Variants in DSCAM observed in about 807,000 individuals in gnomAD.
The protein encoded by DSCAM is cell adhesion molecule DSCAM.
Under a neutral mutation model 217.7 loss-of-function variants are expected in DSCAM, and 47 were observed. The ratio of observed to expected loss-of-function variants is 0.22; its 90% CI spans 0.17 to 0.28. The LOEUF (loss-of-function observed/expected upper bound fraction) is 0.28, where lower values mean the gene tolerates loss of function less well. Among genes scored for constraint, DSCAM ranks in the 10% least tolerant of loss-of-function variants. DSCAM has a pLI of 1.00. For missense variants in DSCAM, 2,080 were observed against 2,618.3 expected (o/e 0.79, Z 4.49); for synonymous variants, 1,056 against 1,015.3 (o/e 1.04, Z -0.76).
intron 1 of DSCAM, among the ~76,000 whole-genome samples, chr21:40,734,890 T>G (rs2091048079): frequency 6.6e-6 from 1 of 152,234 alleles, no homozygotes. Flanking sequence ...CATGTATTTA[T>G]GTAGACAAAC....
At chr21:40,733,395 A>C (rs2091032418) in intron 1 of DSCAM, among the ~76,000 whole-genome samples, 1 of 152,154 alleles carries the variant, frequency 6.6e-6, no homozygotes, top group Non-Finnish European at 1.5e-5. Flanking sequence ...ACTGGGGGTA[A>C]TTTTGCCCTC....
chr21:40,598,497 G>GTTTTTTT (rs71186947), intron 3 of DSCAM, among the ~76,000 whole-genome samples: 58 of 66,816 alleles, frequency 8.7e-4, no homozygotes, highest in Non-Finnish European at 9.3e-4. Context: ...CTGCCAAACT[G>GTTTTTTT]TTTTTTTTTT....
rs573608203 is a variant in DSCAM at position 40,268,050 on chromosome 21, C to G, written c.2356+8047G>C. Among the ~76,000 whole-genome samples the G allele has an allele frequency of 2.0e-5, 3 of 152,274 alleles. No homozygotes were observed. In the South Asian group the frequency reaches 6.2e-4, roughly 32 times the overall value. On this transcript the variant is annotated intron_variant, in intron 11 of 32. Coordinates refer to ENST00000400454, the MANE Select transcript of DSCAM (RefSeq NM_001389.5). ...GGTCCCTGCTGCTCCACAGATGTAA[C>G]CAATTTCTCCCTTCAGCCTTTGCCC... is the stretch of plus-strand genomic sequence containing the variant.
intron 8 of DSCAM, among the ~76,000 whole-genome samples, chr21:40,335,114 G>A (rs1009236361): frequency 8.6e-4 from 131 of 152,162 alleles, no homozygotes; most frequent in African/African-American, 3.0e-3. Flanking sequence ...GTATCCATGA[G>A]CTGTCTTGAA....
intron 11 of DSCAM, among the ~76,000 whole-genome samples, chr21:40,216,365 C>T (rs116601232): frequency 0.013 from 2,001 of 152,028 alleles, 41 homozygotes; most frequent in African/African-American, 0.044. Flanking sequence ...CCTTCCACCT[C>T]GGCCTCCCAA....
chr21:40,583,852 C>T (rs1568921347), intron 3 of DSCAM, among the ~76,000 whole-genome samples: 2 of 150,166 alleles, frequency 1.3e-5, no homozygotes, highest in Non-Finnish European at 2.9e-5. Context: ...AACCTCTGTA[C>T]CTTCCACTCG....
Position 40,820,647 on chromosome 21 carries a change from T to C in DSCAM, c.43+25972A>G, listed in dbSNP as rs139765206. Among the ~76,000 whole-genome samples, 704 of 152,210 alleles carry C rather than the reference T, an allele frequency of 4.6e-3. 5 individuals carry two copies. Among genetic ancestry groups the C allele is most frequent in the African/African-American group, 0.016 (669 of 41,530 alleles). The stretch of plus-strand genomic sequence containing the variant: ...AAAATAAAATTTTTTTAAATTAGGG[T>C]CATAAATATGTATTACAGAAAAAAA... On this transcript the variant is annotated intron_variant, in intron 1 of 32. Coordinates refer to ENST00000400454, the MANE Select transcript of DSCAM (RefSeq NM_001389.5).
chr21:40,446,925 AC>A (rs531891314), intron 3 of DSCAM, among the ~76,000 whole-genome samples: 140 of 152,314 alleles, frequency 9.2e-4, no homozygotes, highest in African/African-American at 3.2e-3. Flanking sequence ...AGGTACACTC[AC>A]AAATAGAGAC....
At chr21:40,697,907 G>T (rs1259658817) in intron 2 of DSCAM, among the ~76,000 whole-genome samples, 1 of 152,082 alleles carries the variant, frequency 6.6e-6, no homozygotes, top group African/African-American at 2.4e-5. Flanking sequence ...TGAATCTGTA[G>T]ATCACTTTGA....
At chr21:40,525,066 T>C (rs1415476072) in intron 3 of DSCAM, among the ~76,000 whole-genome samples, 1 of 149,662 alleles carries the variant, frequency 6.7e-6, no homozygotes, top group South Asian at 2.1e-4. Flanking sequence ...TCAAATACAT[T>C]ATTTTCAATT....
intron 3 of DSCAM, among the ~76,000 whole-genome samples, chr21:40,622,286 C>CAA (rs11429068): frequency 2.6e-5 from 4 of 151,756 alleles, no homozygotes; most frequent in African/African-American, 7.3e-5. Context: ...TGGAGGTGTA[C>CAA]AAAAAAAGGT....
chr21:40,614,890 G>A (rs1408623987), intron 3 of DSCAM, among the ~76,000 whole-genome samples: 3 of 152,032 alleles, frequency 2.0e-5, no homozygotes, highest in African/African-American at 7.2e-5. Context: ...GACTACCTGT[G>A]CATGCATCTC....
chr21:40,213,765 G>A (rs1245098954), intron 11 of DSCAM, among the ~76,000 whole-genome samples: 5 of 152,130 alleles, frequency 3.3e-5, no homozygotes, highest in Admixed American at 2.6e-4. Context: ...CCTTGAGGCA[G>A]CCTCTCCAAG....
chr21:40,032,477 A>T (rs1243094229), intron 32 of DSCAM, among the ~76,000 whole-genome samples: 1 of 152,142 alleles, frequency 6.6e-6, no homozygotes, highest in Admixed American at 6.5e-5. Context: ...ACAAGCCAAG[A>T]ATTGTAATCG....
At chr21:40,271,744 G>A (rs1479248080) in intron 11 of DSCAM, among the ~76,000 whole-genome samples, 1 of 152,178 alleles carries the variant, frequency 6.6e-6, no homozygotes, top group East Asian at 1.9e-4. Flanking sequence ...AGCTGTTAAA[G>A]CTTCCCCATG....
intron 3 of DSCAM, among the ~76,000 whole-genome samples, chr21:40,570,933 T>C (rs895376162): frequency 1.3e-5 from 2 of 151,742 alleles, no homozygotes; most frequent in Admixed American, 6.6e-5. Context: ...AGAAGAGAGA[T>C]ACAGGAGAAA....
intron 1 of DSCAM, among the ~76,000 whole-genome samples, chr21:40,768,394 T>G (rs535181159): frequency 6.7e-6 from 1 of 150,124 alleles, no homozygotes; most frequent in Non-Finnish European, 1.5e-5. Flanking sequence ...CTGTCCTGCA[T>G]GCTAATCCAA....
chr21:40,050,781 T>A (rs1363082692), intron 30 of DSCAM, among the ~76,000 whole-genome samples: 6 of 152,168 alleles, frequency 3.9e-5, no homozygotes, highest in Non-Finnish European at 7.3e-5. Context: ...TCTGGATCAT[T>A]TTTTAAGAGC....
intron 11 of DSCAM, among the ~76,000 whole-genome samples, chr21:40,251,686 G>A (rs1335558101): frequency 6.6e-6 from 1 of 152,054 alleles, no homozygotes; most frequent in African/African-American, 2.4e-5. Flanking sequence ...ATGCCCTTGT[G>A]GAATCTCCTA....
Sources: gnomAD v4.1 joint callset for allele counts (sites outside exome capture counted in the v4.1 genomes callset) on GRCh38, gnomAD v4.1.1 for gene constraint, MANE v1.5 for transcripts, NCBI Gene and HGNC (gene_info 2026-07-23, HGNC 2026-07-21) for gene names.